ISY1: variants seen among roughly 807,000 people sequenced by gnomAD.
ISY1 encodes pre-mRNA-splicing factor ISY1 homolog.
Under a neutral mutation model 54.4 loss-of-function variants are expected in ISY1, and 12 were observed. The observed-to-expected ratio is 0.22, with a 90% confidence interval of 0.14 to 0.36. The LOEUF (loss-of-function observed/expected upper bound fraction) is 0.36. Ranked by LOEUF, ISY1 falls within the 10% of genes least tolerant of loss-of-function variation. The pLI, the probability that ISY1 is intolerant of heterozygous loss-of-function variation, is 1.00. For synonymous variants in ISY1, 96 were observed against 117.9 expected, an observed-to-expected ratio of 0.81 and a Z score of 1.20; for missense variants, 282 against 342.2, an observed-to-expected ratio of 0.82 and a Z score of 1.39.
intron 5 of ISY1, among the ~76,000 whole-genome samples, chr3:129,150,268 A>G (rs1258456253): frequency 6.6e-6 from 1 of 152,198 alleles, no homozygotes; most frequent in African/African-American, 2.4e-5. Flanking sequence ...GATATATTGG[A>G]AGAGAGAAAG....
At chr3:129,157,507 C>A (rs1259184662) in intron 3 of ISY1, among the ~76,000 whole-genome samples, 1 of 151,898 alleles carries the variant, frequency 6.6e-6, no homozygotes, top group Non-Finnish European at 1.5e-5. Flanking sequence ...TTGCCTGAGG[C>A]CTGGAGTTTG....
intron 10 of ISY1, 45 bp downstream of exon 10, chr3:129,130,505 T>C: frequency 1.9e-6 from 3 of 1,608,470 alleles, no homozygotes; most frequent in South Asian, 2.2e-5. Flanking sequence ...AAGTCTGCTT[T>C]AGAGAAGCCC....
chr3:129,133,978 C>T, intron 9 of ISY1, 96 bp downstream of exon 9: 1 of 1,572,854 alleles, frequency 6.4e-7, no homozygotes, highest in African/African-American at 1.3e-5. Context: ...GGGCTGTGAA[C>T]CCTGACTCTG....
At chr3:129,146,795 C>T (rs1291921204) in intron 5 of ISY1, among the ~76,000 whole-genome samples, 1 of 152,164 alleles carries the variant, frequency 6.6e-6, no homozygotes. Context: ...CAGTGGCTCA[C>T]GCCTGTAATC....
chr3:129,130,690 T>C (rs1936214400), intron 9 of ISY1, 54 bp from the exon 10 acceptor site: 2 of 1,597,778 alleles, frequency 1.3e-6, no homozygotes, highest in East Asian at 2.2e-5. Context: ...AGATAAATGC[T>C]GGCAACTCTA....
At chr3:129,135,022 T>A (rs1172957118) in intron 7 of ISY1, 68 bp from the exon 8 acceptor site, 2 of 1,529,922 alleles carry the variant, frequency 1.3e-6, no homozygotes, top group Non-Finnish European at 1.8e-6. Flanking sequence ...TGTCTCCTGA[T>A]GCAACGCTAT....
rs1247043242 is a variant in ISY1 at position 129,134,332 on chromosome 3, G to A, written c.542-137C>T. ...GGGACACCCTTCATTCTGCCCCCGT[G>A]GGTGGAAATGGATGTGAAGCATGGT... On this transcript the variant is annotated intron_variant, in intron 8 of 10. Coordinates refer to ENST00000393295, the MANE Select transcript of ISY1 (RefSeq NM_020701.4). 17 of 1,476,490 alleles carry A rather than the reference G, an allele frequency of 1.2e-5. 1 individual carries two copies. The Admixed American group carries it at 2.8e-4, about 25-fold the overall frequency. 91.5% of individuals were successfully genotyped at this position (1,476,490 alleles called of 1,614,324 possible).
At chr3:129,156,266 G>A (rs1344160303) in intron 5 of ISY1, among the ~76,000 whole-genome samples, 1 of 151,902 alleles carries the variant, frequency 6.6e-6, no homozygotes, top group African/African-American at 2.4e-5. Context: ...GGGCGTGGTT[G>A]TGGGCACCTG....
chr3:129,130,212 C>T (rs1936198223), intron 10 of ISY1, 24 bp from the exon 11 acceptor site: 4 of 1,579,636 alleles, frequency 2.5e-6, no homozygotes, highest in African/African-American at 2.7e-5. Flanking sequence ...GAGTGCAGGG[C>T]TCACTCCTCA....
At chr3:129,158,159 T>G (rs1052894886) in intron 3 of ISY1, among the ~76,000 whole-genome samples, 5 of 146,264 alleles carry the variant, frequency 3.4e-5, no homozygotes, top group African/African-American at 1.3e-4. Flanking sequence ...GCACCCTACT[T>G]TTTTTTTTTT....
At chr3:129,138,852 A>G (rs1393963605) in intron 7 of ISY1, among the ~76,000 whole-genome samples, 3 of 151,830 alleles carry the variant, frequency 2.0e-5, no homozygotes, top group Non-Finnish European at 4.4e-5. Context: ...AAGAAACTGG[A>G]GGGAACAATG....
intron 5 of ISY1, among the ~76,000 whole-genome samples, chr3:129,146,976 T>C (rs1936779883): frequency 6.6e-6 from 1 of 151,962 alleles, no homozygotes; most frequent in Non-Finnish European, 1.5e-5. Flanking sequence ...GGAGAATCGC[T>C]TGAGCCCAGG....
intron 7 of ISY1, among the ~76,000 whole-genome samples, chr3:129,137,929 A>C (rs1936472270): frequency 2.0e-5 from 3 of 148,468 alleles, no homozygotes; most frequent in Non-Finnish European, 3.0e-5. Context: ...AAAAAAAAAA[A>C]AAAAAAACTC....
rs1252760615 is a variant in ISY1 at position 129,134,864 on chromosome 3, A to G, written c.509T>C (p.Ile170Thr). Reference sequence around the variant, plus strand: ...TTCATATTCCTGTTCCAAAGGCACAATAACACCATCATCTTCATCTAGGTA... The same window carrying G: ...TTCATATTCCTGTTCCAAAGGCACAGTAACACCATCATCTTCATCTAGGTA... ...YGYLDEDDGV[I>T]VPLEQEYEKK... is the part of the protein sequence containing the mutation. The change falls in exon 8 of 11, where the codon ATT becomes ACT. Residue 170 changes from isoleucine to threonine, a missense_variant. Coordinates refer to ENST00000393295, the MANE Select transcript of ISY1 (RefSeq NM_020701.4). The G allele has an allele frequency of 9.3e-6, 15 of 1,610,938 alleles. No individual in the cohort carries two copies. The highest frequency in any genetic ancestry group is 2.2e-5 in the South Asian group (2 of 90,920).
intron 5 of ISY1, among the ~76,000 whole-genome samples, chr3:129,148,406 G>C (rs1056205318): frequency 6.6e-6 from 1 of 152,134 alleles, no homozygotes; most frequent in Non-Finnish European, 1.5e-5. Flanking sequence ...CTCACTAGCA[G>C]TGCATGAGAG....
chr3:129,156,547 T>C lies in ISY1; in HGVS notation c.187+86A>G, dbSNP rs72979168. On this transcript the variant is annotated intron_variant, in intron 5 of 10. Coordinates refer to ENST00000393295, the MANE Select transcript of ISY1 (RefSeq NM_020701.4). ...ACTGATTTACTATCTACTTGCTCTATTGATTATTTTGAAAGGAGTATTGAA... is the reference window on the plus strand; with the variant it reads ...ACTGATTTACTATCTACTTGCTCTACTGATTATTTTGAAAGGAGTATTGAA... 2,060 of 1,360,400 alleles carry C rather than the reference T, an allele frequency of 1.5e-3. 26 individuals are homozygous for C. In the African/African-American group the frequency reaches 0.026, roughly 17 times the overall value. The allele number at this position is 1,360,400 out of a possible 1,614,324, so 84.3% of individuals were successfully genotyped here. A position where few individuals can be genotyped will look rare whatever the true frequency, so the allele number is the denominator to read the frequency against.
At chr3:129,145,386 C>G (rs1216648587) in intron 6 of ISY1, among the ~76,000 whole-genome samples, 1 of 152,136 alleles carries the variant, frequency 6.6e-6, no homozygotes, top group African/African-American at 2.4e-5. Flanking sequence ...CCACACACAG[C>G]TAATTTTTGT....
chr3:129,159,258 T>G, intron 1 of ISY1, 82 bp from the exon 2 acceptor site: 1 of 1,549,126 alleles, frequency 6.5e-7, no homozygotes, highest in African/African-American at 1.4e-5. Flanking sequence ...GTGAAAAGTT[T>G]TACAAGAATA....
chr3:129,149,610 A>AAAAATATAT (rs1936884507), intron 5 of ISY1, among the ~76,000 whole-genome samples: 1 of 24,628 alleles, frequency 4.1e-5, no homozygotes, highest in African/African-American at 1.2e-4. Flanking sequence ...AAAAAAAAAA[A>AAAAATATAT]ATATATATAT....
Sources: gnomAD v4.1 joint callset for allele counts (sites outside exome capture counted in the v4.1 genomes callset) on GRCh38, gnomAD v4.1.1 for gene constraint, MANE v1.5 for transcripts, NCBI Gene and HGNC (gene_info 2026-07-23, HGNC 2026-07-21) for gene names.